Variants in CDC42BPA observed in about 807,000 individuals in gnomAD.
CDC42BPA encodes serine/threonine-protein kinase MRCK alpha.
In CDC42BPA, 80 loss-of-function variants were observed where a neutral mutation model predicts 223.5. The observed-to-expected ratio is 0.36, with a 90% confidence interval of 0.30 to 0.43. CDC42BPA has a LOEUF of 0.43. Ranked by LOEUF, CDC42BPA falls within the 20% of genes least tolerant of loss-of-function variation. CDC42BPA has a pLI of 1.00. For missense variants in CDC42BPA, 1,743 were observed against 2,099.9 expected (o/e 0.83, Z 3.32); for synonymous variants, 694 against 718.6 (o/e 0.97, Z 0.55).
chr1:227,015,815 C>G (rs1461316545), intron 34 of CDC42BPA, among the ~76,000 whole-genome samples: 1 of 152,088 alleles, frequency 6.6e-6, no homozygotes, highest in Non-Finnish European at 1.5e-5. Flanking sequence ...CTTCCACCAC[C>G]AATAGTAAAC....
At chr1:227,231,668 T>C (rs758792530) in intron 2 of CDC42BPA, among the ~76,000 whole-genome samples, 9 of 151,616 alleles carry the variant, frequency 5.9e-5, no homozygotes, top group Non-Finnish European at 1.3e-4. Context: ...TTTTTAATGA[T>C]TGCCATTCTA....
At chr1:227,096,156 T>C (rs1425792198) in intron 15 of CDC42BPA, among the ~76,000 whole-genome samples, 2 of 152,130 alleles carry the variant, frequency 1.3e-5, no homozygotes, top group Non-Finnish European at 2.9e-5. Context: ...CCAACCTCCA[T>C]CTCCAAGCAA....
At chr1:227,189,872 T>G (rs542414420) in intron 5 of CDC42BPA, among the ~76,000 whole-genome samples, 1 of 152,294 alleles carries the variant, frequency 6.6e-6, no homozygotes, top group East Asian at 1.9e-4. Flanking sequence ...CACATCCCTA[T>G]ATTTTAAGTT....
At chr1:227,221,207 C>T (rs1262183519) in intron 2 of CDC42BPA, among the ~76,000 whole-genome samples, 1 of 152,168 alleles carries the variant, frequency 6.6e-6, no homozygotes, top group Non-Finnish European at 1.5e-5. Flanking sequence ...CTTTCTTTTG[C>T]TGTAACCTGT....
chr1:227,098,155 A>T (rs187894177), intron 15 of CDC42BPA, among the ~76,000 whole-genome samples: 7 of 152,072 alleles, frequency 4.6e-5, no homozygotes, highest in African/African-American at 1.4e-4. Flanking sequence ...AAGGACACTA[A>T]ATTTGCCTGT....
At chr1:227,292,397 T>C (rs1689852974) in intron 1 of CDC42BPA, among the ~76,000 whole-genome samples, 1 of 152,220 alleles carries the variant, frequency 6.6e-6, no homozygotes, top group African/African-American at 2.4e-5. Context: ...ACATAAGCGT[T>C]TCCATATTTT....
intron 1 of CDC42BPA, among the ~76,000 whole-genome samples, chr1:227,266,470 T>G (rs141037939): frequency 1.3e-5 from 2 of 152,358 alleles, no homozygotes; most frequent in Non-Finnish European, 2.9e-5. Context: ...CCTCAAGACT[T>G]ATTTAGTAAT....
Position 226,993,958 on chromosome 1 carries a change from T to G in CDC42BPA, c.*310A>C. On this transcript the variant is annotated 3_prime_UTR_variant, in exon 37 of 37. Coordinates refer to ENST00000366766, the MANE Select transcript of CDC42BPA (RefSeq NM_001394014.1). ...TCTAATCTTATTCTTATCACTTACA[T>G]TTGTGTAATCTGTCTATTTAAGCTA... 1.2e-5 allele frequency: 3 copies of G among 240,386 alleles called. No individual in the cohort carries two copies. The highest frequency in any genetic ancestry group is 2.3e-5 in the African/African-American group (1 of 43,838). 14.9% of individuals were successfully genotyped at this position (240,386 alleles called of 1,614,324 possible).
chr1:227,006,290 T>C (rs1198079752), intron 34 of CDC42BPA, among the ~76,000 whole-genome samples: 4 of 152,230 alleles, frequency 2.6e-5, no homozygotes, highest in African/African-American at 9.6e-5. Flanking sequence ...TACTAGCCTA[T>C]TGTCAGCCAG....
chr1:227,235,522 TG>T (rs1678850577), intron 2 of CDC42BPA, among the ~76,000 whole-genome samples: 1 of 152,204 alleles, frequency 6.6e-6, no homozygotes, highest in African/African-American at 2.4e-5. Flanking sequence ...CAATGGCTAA[TG>T]TGCTTCAGGG....
At chr1:227,119,981 C>T (rs755725326) in intron 11 of CDC42BPA, 44 bp from the exon 12 acceptor site, 1 of 1,493,334 alleles carries the variant, frequency 6.7e-7, no homozygotes, top group South Asian at 1.3e-5. Flanking sequence ...TGTATAAAAG[C>T]AAATGATTGA....
chr1:227,043,237 A>AC (rs1330758084), intron 23 of CDC42BPA, among the ~76,000 whole-genome samples: 2 of 151,938 alleles, frequency 1.3e-5, no homozygotes, highest in Non-Finnish European at 2.9e-5. Context: ...ACATGGTGAA[A>AC]CCCCGTCTCT....
In CDC42BPA at chr1:227,212,324, G is replaced by A. The variant is rs1674067524; in HGVS notation, c.354+812C>T. Among the ~76,000 whole-genome samples the A allele has an allele frequency of 2.0e-5, 3 of 152,082 alleles. 1 individual carries two copies. Among genetic ancestry groups the A allele is most frequent in the African/African-American group, 7.2e-5 (3 of 41,404 alleles). ...CTTTGGGTTGCTACAAGTACTGACA[G>A]ATAAAGATTTCTAAAGGCGAATTTG... On this transcript the variant is annotated intron_variant, in intron 3 of 36. Coordinates refer to ENST00000366766, the MANE Select transcript of CDC42BPA (RefSeq NM_001394014.1).
chr1:227,265,021 A>G, intron 1 of CDC42BPA: 1 of 801,644 alleles, frequency 1.2e-6, no homozygotes, highest in Non-Finnish European at 2.3e-6. Flanking sequence ...AATTTCTGTC[A>G]TCACACTGAG....
At chr1:227,047,892 T>C (rs754022586) in intron 23 of CDC42BPA, 35 bp downstream of exon 23, 3 of 1,285,752 alleles carry the variant, frequency 2.3e-6, no homozygotes, top group East Asian at 4.6e-5. Context: ...TTCATTTTTT[T>C]TGGAACACAC....
chr1:227,065,294 T>A (rs1051930960), intron 21 of CDC42BPA, among the ~76,000 whole-genome samples: 11 of 152,120 alleles, frequency 7.2e-5, no homozygotes, highest in Admixed American at 2.6e-4. Context: ...TTAAAACAAC[T>A]GGATTAAATA....
intron 23 of CDC42BPA, among the ~76,000 whole-genome samples, chr1:227,043,731 A>G (rs374960866): frequency 6.6e-5 from 10 of 152,102 alleles, no homozygotes; most frequent in Admixed American, 2.0e-4. Context: ...AATTTATATA[A>G]ATGTGTTTCT....
Position 227,029,072 on chromosome 1 carries a change from T to C in CDC42BPA, c.4017A>G (p.Val1339=). The C allele has an allele frequency of 1.2e-6, 2 of 1,614,064 alleles. No homozygotes were observed. Among genetic ancestry groups the C allele is most frequent in the Non-Finnish European group, 8.5e-7 (1 of 1,180,024 alleles). Residue 1339 remains valine, a synonymous_variant, in exon 30 of 37, where the codon GTA becomes GTG. Transcript: ENST00000366766. The part of the protein sequence containing the change: ...KLSETKGCQT[V]TSGKVRHGAL... ...CTCCATGGCGCACCTTTCCAGAAGT[T>C]ACGGTTTGACACCCTTTAGTTTCTG... is the stretch of plus-strand genomic sequence containing the variant.
At chr1:227,158,028 G>A (rs906546633) in intron 6 of CDC42BPA, among the ~76,000 whole-genome samples, 4 of 149,986 alleles carry the variant, frequency 2.7e-5, no homozygotes, top group African/African-American at 9.8e-5. Flanking sequence ...CACCATCTTG[G>A]CTCACTGCAA....
Sources: allele counts gnomAD v4.1 joint callset (sites outside exome capture counted in the v4.1 genomes callset), GRCh38; gene constraint gnomAD v4.1.1; transcripts MANE v1.5; gene names NCBI Gene and HGNC (gene_info 2026-07-23, HGNC 2026-07-21).